Variants in PTPRM observed in about 807,000 individuals in gnomAD.
PTPRM encodes receptor-type tyrosine-protein phosphatase mu.
In PTPRM, 47 loss-of-function variants were observed where a neutral mutation model predicts 186.7. That is an observed-to-expected ratio of 0.25 (90% CI 0.20 to 0.32). The LOEUF (loss-of-function observed/expected upper bound fraction) is 0.32. Among genes scored for constraint, PTPRM ranks in the 10% least tolerant of loss-of-function variants. PTPRM has a pLI of 1.00. For missense variants in PTPRM, 1,494 were observed against 1,865.0 expected, an observed-to-expected ratio of 0.80 and a Z score of 3.66; for synonymous variants, 668 against 674.9, an observed-to-expected ratio of 0.99 and a Z score of 0.16.
At chr18:7,851,306 C>T (rs1257406251) in intron 2 of PTPRM, among the ~76,000 whole-genome samples, 1 of 152,154 alleles carries the variant, frequency 6.6e-6, no homozygotes, top group African/African-American at 2.4e-5. Context: ...AGTAGATAGT[C>T]ACTGGAGGTT....
intron 11 of PTPRM, among the ~76,000 whole-genome samples, chr18:8,103,918 A>G (rs746465859): frequency 3.3e-5 from 5 of 152,138 alleles, no homozygotes; most frequent in Non-Finnish European, 7.3e-5. Flanking sequence ...AGGCCATTGT[A>G]TGGTTATCAT....
intron 7 of PTPRM, among the ~76,000 whole-genome samples, chr18:7,964,243 A>G (rs1469413449): frequency 6.6e-6 from 1 of 152,228 alleles, no homozygotes; most frequent in African/African-American, 2.4e-5. Context: ...ACTGCTTTAA[A>G]TTATCATAGA....
At chr18:7,777,577 A>G (rs140292465) in intron 2 of PTPRM, among the ~76,000 whole-genome samples, 2 of 152,318 alleles carry the variant, frequency 1.3e-5, no homozygotes, top group Non-Finnish European at 2.9e-5. Context: ...TGGCATCAGC[A>G]TGTAATTGTT....
At chr18:7,757,050 C>G (rs16952507) in intron 1 of PTPRM, among the ~76,000 whole-genome samples, 1 of 152,072 alleles carries the variant, frequency 6.6e-6, no homozygotes, top group African/African-American at 2.4e-5. Context: ...CTTCTCATAA[C>G]GGGCCACCTG....
intron 19 of PTPRM, among the ~76,000 whole-genome samples, chr18:8,262,934 G>C (rs2094650141): frequency 6.6e-6 from 1 of 152,122 alleles, no homozygotes; most frequent in South Asian, 2.1e-4. Context: ...AAAAATACAA[G>C]CTCAGAATGT....
intron 2 of PTPRM, among the ~76,000 whole-genome samples, chr18:7,800,320 A>G (rs2043890540): frequency 6.6e-6 from 1 of 152,158 alleles, no homozygotes; most frequent in South Asian, 2.1e-4. Context: ...ATGACTGAAA[A>G]TATGTTTATC....
At chr18:8,040,162 G>A (rs943998356) in intron 7 of PTPRM, among the ~76,000 whole-genome samples, 1 of 152,182 alleles carries the variant, frequency 6.6e-6, no homozygotes, top group Non-Finnish European at 1.5e-5. Flanking sequence ...TGTTGTGTTT[G>A]AGCATGTGGA....
At chr18:8,257,553 A>G (rs2094585817) in intron 19 of PTPRM, among the ~76,000 whole-genome samples, 1 of 152,196 alleles carries the variant, frequency 6.6e-6, no homozygotes, top group Non-Finnish European at 1.5e-5. Flanking sequence ...GGGAATGTGT[A>G]TTTACTTTAA....
chr18:8,011,660 G>C (rs539879137), intron 7 of PTPRM, among the ~76,000 whole-genome samples: 4 of 152,308 alleles, frequency 2.6e-5, no homozygotes, highest in African/African-American at 9.6e-5. Flanking sequence ...TGCAAAGGCA[G>C]ACTTTAGAGT....
At chr18:7,843,500 T>G (rs2046448853) in intron 2 of PTPRM, among the ~76,000 whole-genome samples, 1 of 152,188 alleles carries the variant, frequency 6.6e-6, no homozygotes, top group African/African-American at 2.4e-5. Context: ...ATAGGTGTTT[T>G]AGGGGAAGAC....
At chr18:7,777,608 ATTG>A (rs1449206890) in intron 2 of PTPRM, among the ~76,000 whole-genome samples, 2 of 152,160 alleles carry the variant, frequency 1.3e-5, no homozygotes, top group African/African-American at 4.8e-5. Flanking sequence ...CATGGTTTAT[ATTG>A]TTGTTGTTTT....
intron 7 of PTPRM, among the ~76,000 whole-genome samples, chr18:8,019,796 A>G (rs562143673): frequency 7.2e-6 from 1 of 139,598 alleles, no homozygotes; most frequent in Admixed American, 7.0e-5. Flanking sequence ...CTAATAATTT[A>G]TAATATAATA....
At chr18:7,955,703 C>T (rs1256403532) in intron 7 of PTPRM, among the ~76,000 whole-genome samples, 21 of 152,134 alleles carry the variant, frequency 1.4e-4, no homozygotes, top group Non-Finnish European at 1.5e-5. Flanking sequence ...GTGAAGTTTA[C>T]AGAAACTGTC....
At chr18:7,852,892 C>A (rs1023895236) in intron 2 of PTPRM, among the ~76,000 whole-genome samples, 7 of 152,072 alleles carry the variant, frequency 4.6e-5, no homozygotes, top group Non-Finnish European at 1.0e-4. Context: ...ATAAATAATA[C>A]ATAGTTACAT....
At chr18:7,890,584 T>A (rs1447900690) in intron 3 of PTPRM, among the ~76,000 whole-genome samples, 3 of 152,186 alleles carry the variant, frequency 2.0e-5, no homozygotes, top group Non-Finnish European at 4.4e-5. Context: ...TGTTAAGATC[T>A]TTTTAGAGTA....
chr18:7,667,348 A>C (rs1598334619), intron 1 of PTPRM, among the ~76,000 whole-genome samples: 1 of 152,330 alleles, frequency 6.6e-6, no homozygotes, highest in Non-Finnish European at 1.5e-5. Flanking sequence ...GCTTCATTAC[A>C]CAGCAGCTTC....
intron 5 of PTPRM, among the ~76,000 whole-genome samples, chr18:7,935,274 G>A (rs2051735476): frequency 6.6e-6 from 1 of 151,974 alleles, no homozygotes; most frequent in Non-Finnish European, 1.5e-5. Context: ...AAAATTTTGA[G>A]TACTTAAAAT....
rs547137748 is a variant in PTPRM, at chr18:7,889,598, C to A, written c.468+1221C>A. Reference sequence around the variant, plus strand: ...AGGTGATCCTGCCACCCTAGCCTCCCAGAGTGCTAGAATTACAGGCATGAG... The same window carrying A: ...AGGTGATCCTGCCACCCTAGCCTCCAAGAGTGCTAGAATTACAGGCATGAG... On this transcript the variant is annotated intron_variant, in intron 3 of 32. Coordinates refer to ENST00000580170, the MANE Select transcript of PTPRM (RefSeq NM_001105244.2). Among the ~76,000 whole-genome samples the A allele has an allele frequency of 3.3e-5, 5 of 152,238 alleles. No homozygotes were observed. In the East Asian group the frequency reaches 9.6e-4, roughly 29 times the overall value.
At chr18:7,917,106 A>C (rs1453822082) in intron 4 of PTPRM, among the ~76,000 whole-genome samples, 3 of 152,328 alleles carry the variant, frequency 2.0e-5, no homozygotes, top group African/African-American at 7.2e-5. Context: ...TGCTGCAGCA[A>C]ATGACAAGGT....
Sources: gnomAD v4.1 joint callset for allele counts (sites outside exome capture counted in the v4.1 genomes callset) on GRCh38, gnomAD v4.1.1 for gene constraint, MANE v1.5 for transcripts, NCBI Gene and HGNC (gene_info 2026-07-23, HGNC 2026-07-21) for gene names.